Variants in MBNL2 observed in about 807,000 individuals in gnomAD.
The protein encoded by MBNL2 is muscleblind like splicing regulator 2, also known as muscleblind-like protein 2.
In MBNL2, 17 loss-of-function variants were observed where a neutral mutation model predicts 41.9. That is an observed-to-expected ratio of 0.41 (90% CI 0.28 to 0.61). MBNL2 has a LOEUF of 0.61. Ranked by LOEUF, MBNL2 falls within the 20% of genes least tolerant of loss-of-function variation. The probability of loss-of-function intolerance (pLI) is 0.35; values close to 1 mark genes in which losing one functional copy is unlikely to be tolerated. For synonymous variants in MBNL2, 195 were observed against 182.9 expected, an observed-to-expected ratio of 1.07 and a Z score of -0.53; for missense variants, 336 against 505.6, an observed-to-expected ratio of 0.66 and a Z score of 3.22.
chr13:97,181,373 C>T, the MBNL2 span, among the ~76,000 whole-genome samples: 6 of 152,078 alleles, frequency 3.9e-5, no homozygotes, highest in Non-Finnish European at 8.8e-5. Flanking sequence ...TCTGTAAATG[C>T]TTATTGAATA....
At chr13:97,389,726 A>G (rs2066246806) in intron 8 of MBNL2, among the ~76,000 whole-genome samples, 1 of 151,988 alleles carries the variant, frequency 6.6e-6, no homozygotes, top group Non-Finnish European at 1.5e-5. Context: ...GAAAGAAAGA[A>G]AGAAAGAAAG....
the MBNL2 span, among the ~76,000 whole-genome samples, chr13:97,177,985 A>C: frequency 6.6e-6 from 1 of 152,192 alleles, no homozygotes; most frequent in South Asian, 2.1e-4. Context: ...AGATTTCAAA[A>C]ATTTACCTCC....
intron 2 of MBNL2, among the ~76,000 whole-genome samples, chr13:97,294,945 C>T (rs1158340366): frequency 6.6e-6 from 1 of 152,132 alleles, no homozygotes; most frequent in Admixed American, 6.5e-5. Context: ...TTAACTATAA[C>T]TATAAACAAA....
chr13:97,367,266 A>C (rs893413058), intron 8 of MBNL2, among the ~76,000 whole-genome samples: 2 of 152,214 alleles, frequency 1.3e-5, no homozygotes, highest in African/African-American at 4.8e-5. Flanking sequence ...CTCTGTGGTC[A>C]CAAGCTGATT....
chr13:97,144,423 C>CT, the MBNL2 span, among the ~76,000 whole-genome samples: 313 of 118,030 alleles, frequency 2.7e-3, 4 homozygotes, highest in East Asian at 0.01. Flanking sequence ...CATGATACTT[C>CT]TTTTTTTTTT....
chr13:97,353,765 T>G (rs2062720087), intron 5 of MBNL2, among the ~76,000 whole-genome samples: 1 of 152,134 alleles, frequency 6.6e-6, no homozygotes, highest in Non-Finnish European at 1.5e-5. Flanking sequence ...TTTGCTCACA[T>G]ACATCAAAAT....
chr13:97,273,268 C>T (rs544670431), intron 1 of MBNL2, among the ~76,000 whole-genome samples: 4 of 152,188 alleles, frequency 2.6e-5, no homozygotes, highest in African/African-American at 7.2e-5. Context: ...ATTGGTGCCT[C>T]ATCTCCCTTG....
chr13:97,175,021 C>T, the MBNL2 span, among the ~76,000 whole-genome samples: 1 of 152,194 alleles, frequency 6.6e-6, no homozygotes, highest in African/African-American at 2.4e-5. Flanking sequence ...CCTCAGGTTT[C>T]CTTTAAGAAA....
At chr13:97,214,890 A>G in the MBNL2 span, among the ~76,000 whole-genome samples, 1 of 152,230 alleles carries the variant, frequency 6.6e-6, no homozygotes, top group Non-Finnish European at 1.5e-5. Context: ...AGACAGTGAC[A>G]GGGGAAATGC....
At chr13:97,256,807 T>C (rs565917545) in intron 1 of MBNL2, among the ~76,000 whole-genome samples, 2 of 152,304 alleles carry the variant, frequency 1.3e-5, no homozygotes, top group East Asian at 1.9e-4. Flanking sequence ...TTCTTAGCAG[T>C]GTGGATTCAA....
At chr13:97,214,170 A>G in the MBNL2 span, among the ~76,000 whole-genome samples, 5 of 145,772 alleles carry the variant, frequency 3.4e-5, no homozygotes, top group South Asian at 1.1e-3. Context: ...TCAAGCATCA[A>G]AGAAATAGAA....
chr13:97,183,309 G>A, the MBNL2 span, among the ~76,000 whole-genome samples: 1 of 152,098 alleles, frequency 6.6e-6, no homozygotes, highest in Non-Finnish European at 1.5e-5. Flanking sequence ...TTTCATAGTA[G>A]TTACCCAAAA....
At chr13:97,315,380 C>T (rs1326731914) in intron 2 of MBNL2, among the ~76,000 whole-genome samples, 2 of 152,198 alleles carry the variant, frequency 1.3e-5, no homozygotes, top group Non-Finnish European at 2.9e-5. Context: ...TTCCAGGCAC[C>T]GGGCTCTACA....
chr13:97,388,522 C>T (rs186530256), intron 8 of MBNL2, among the ~76,000 whole-genome samples: 135 of 152,160 alleles, frequency 8.9e-4, no homozygotes, highest in Admixed American at 2.2e-3. Context: ...CTCTCCCTCC[C>T]GCCAGTCCCC....
chr13:97,240,774 A>G (rs532171390), intron 1 of MBNL2, among the ~76,000 whole-genome samples: 1 of 152,316 alleles, frequency 6.6e-6, no homozygotes, highest in Non-Finnish European at 1.5e-5. Flanking sequence ...GCTGCTTTTG[A>G]AAACAGGAGG....
At chr13:97,368,591 AATAAATATTTGACCATGTGTC>A (rs72119025) in intron 8 of MBNL2, among the ~76,000 whole-genome samples, 16,501 of 152,020 alleles carry the variant, frequency 0.11, 932 homozygotes, top group East Asian at 0.18. Flanking sequence ...ATTTTAGCAT[AATAAATATTTGACCATGTGTC>A]ATATATATTG....
At chr13:97,231,234 C>A (rs1251522828) in intron 1 of MBNL2, among the ~76,000 whole-genome samples, 1 of 152,204 alleles carries the variant, frequency 6.6e-6, no homozygotes, top group Non-Finnish European at 1.5e-5. Flanking sequence ...CAGACACCTA[C>A]CATAAGTAAC....
Position 97,310,430 on chromosome 13 carries a change from CT to C in MBNL2, c.175-23838del, listed in dbSNP as rs199602677. Among the ~76,000 whole-genome samples the C allele has an allele frequency of 2.1e-3, 294 of 141,344 alleles. 2 individuals are homozygous for C. The highest frequency in any genetic ancestry group is 7.2e-3 in the African/African-American group (273 of 37,726). The allele number at this position is 141,344 out of a possible 152,430, so 92.7% of individuals were successfully genotyped here. A position where few individuals can be genotyped will look rare whatever the true frequency, so the allele number is the denominator to read the frequency against. On this transcript the variant is annotated intron_variant, in intron 2 of 8. Transcript: ENST00000679496. ...AGCCCTCCTATTTCTTTTTTTTTTT[CT>C]TTTTTTTCTTTTTTTTGAGACGGAG... is the stretch of plus-strand genomic sequence containing the variant.
chr13:97,300,259 A>G (rs1362963971), intron 2 of MBNL2, among the ~76,000 whole-genome samples: 1 of 152,196 alleles, frequency 6.6e-6, no homozygotes, highest in Non-Finnish European at 1.5e-5. Context: ...CAAGATGACC[A>G]TGTACCCAAC....
Sources: gnomAD v4.1 joint callset for allele counts (sites outside exome capture counted in the v4.1 genomes callset) on GRCh38, gnomAD v4.1.1 for gene constraint, MANE v1.5 for transcripts, NCBI Gene and HGNC (gene_info 2026-07-23, HGNC 2026-07-21) for gene names.